Variants in FANCC observed in about 807,000 individuals in gnomAD.
FANCC encodes the protein FA complementation group C.
A neutral mutation model predicts 71.3 loss-of-function variants in FANCC; 55 were observed. The observed-to-expected ratio is 0.77, with a 90% confidence interval of 0.62 to 0.97. FANCC has a LOEUF of 0.97. FANCC is among the 50% of genes least tolerant of loss of function. The probability of loss-of-function intolerance (pLI) is 0.00; values close to 1 mark genes in which losing one functional copy is unlikely to be tolerated. For missense variants in FANCC, 678 were observed against 670.9 expected (o/e 1.01, Z -0.12); for synonymous variants, 275 against 244.9 (o/e 1.12, Z -1.15).
At chr9:95,229,265 T>A (rs1047208233) in intron 4 of FANCC, among the ~76,000 whole-genome samples, 6 of 148,088 alleles carry the variant, frequency 4.1e-5, no homozygotes, top group Non-Finnish European at 7.4e-5. Context: ...ACCACTGCAC[T>A]TCAGCCTGAG....
chr9:95,135,387 A>G lies in FANCC; in HGVS notation c.802T>C (p.Cys268Arg). The change falls in exon 8 of 15, where the codon TGT becomes CGT. Residue 268 changes from cysteine to arginine, a missense_variant. Cys to Arg is a radical substitution (Grantham distance 180). Transcript: ENST00000289081. ...ATAAAGCATTCGATCCTTCTCAGAC[A>G]ATTTCTCTCACTGGAGATTAGCTTT... The part of the protein sequence containing the change: ...FEKLISSERN[C>R]LRRIECFIKD... The G allele has an allele frequency of 6.2e-7, 1 of 1,614,100 alleles. No individual in the cohort carries two copies. Among genetic ancestry groups the G allele is most frequent in the South Asian group, 1.1e-5 (1 of 91,080 alleles).
At chr9:95,136,153 G>A (rs906948408) in intron 7 of FANCC, among the ~76,000 whole-genome samples, 6 of 152,280 alleles carry the variant, frequency 3.9e-5, no homozygotes, top group African/African-American at 1.2e-4. Context: ...CACTTTGAGA[G>A]ACTGAGGTAG....
intron 3 of FANCC, among the ~76,000 whole-genome samples, chr9:95,245,667 C>T (rs1201488059): frequency 2.0e-5 from 3 of 151,764 alleles, no homozygotes; most frequent in South Asian, 2.1e-4. Context: ...GAGGTCGAGG[C>T]GGGTGAATCG....
chr9:95,180,004 T>C (rs1206642811), intron 4 of FANCC, among the ~76,000 whole-genome samples: 1 of 152,266 alleles, frequency 6.6e-6, no homozygotes, highest in Non-Finnish European at 1.5e-5. Flanking sequence ...TGAACAAGGC[T>C]GATTCTATCT....
chr9:95,229,371 T>C (rs904953403), intron 4 of FANCC, among the ~76,000 whole-genome samples: 3 of 150,954 alleles, frequency 2.0e-5, no homozygotes, highest in African/African-American at 7.3e-5. Context: ...GCAATGTTCC[T>C]GGAGAGGGCA....
At chr9:95,193,796 T>C (rs573638481) in intron 4 of FANCC, among the ~76,000 whole-genome samples, 45 of 152,328 alleles carry the variant, frequency 3.0e-4, no homozygotes, top group South Asian at 1.2e-3. Context: ...ACAGGTGTGA[T>C]AGACGGGATT....
chr9:95,249,693 A>T (rs192827489), intron 1 of FANCC, among the ~76,000 whole-genome samples: 2 of 152,206 alleles, frequency 1.3e-5, no homozygotes, highest in African/African-American at 2.4e-5. Flanking sequence ...CTGAATATGA[A>T]GTTGACTTGA....
chr9:95,293,278 G>A (rs1455926324), intron 1 of FANCC: 1 of 1,613,464 alleles, frequency 6.2e-7, no homozygotes, highest in East Asian at 2.2e-5. Flanking sequence ...TTTCTCTCAT[G>A]CCTGTCTTTG....
chr9:95,193,681 G>A (rs777032172), intron 4 of FANCC, among the ~76,000 whole-genome samples: 30 of 152,168 alleles, frequency 2.0e-4, no homozygotes, highest in Admixed American at 1.3e-4. Context: ...AAGTAACTGC[G>A]GTTTTTGCCA....
intron 11 of FANCC, 108 bp from the exon 12 acceptor site, chr9:95,114,818 C>T (rs1340517793): frequency 1.1e-5 from 10 of 910,386 alleles, no homozygotes; most frequent in Non-Finnish European, 1.6e-5. Context: ...CCCTTTACTT[C>T]TGGTTCACGG....
At chr9:95,187,641 T>A (rs1190205123) in intron 4 of FANCC, among the ~76,000 whole-genome samples, 1 of 152,122 alleles carries the variant, frequency 6.6e-6, no homozygotes, top group African/African-American at 2.4e-5. Context: ...CCCTTTCCAC[T>A]GCACTGTAAA....
intron 10 of FANCC, among the ~76,000 whole-genome samples, chr9:95,119,648 G>T (rs1401761339): frequency 6.6e-6 from 1 of 152,080 alleles, no homozygotes; most frequent in East Asian, 1.9e-4. Flanking sequence ...ACAGGCATGA[G>T]CCACCGTGCC....
intron 1 of FANCC, among the ~76,000 whole-genome samples, chr9:95,251,956 TG>T (rs1279650273): frequency 2.0e-5 from 3 of 152,178 alleles, no homozygotes; most frequent in African/African-American, 7.2e-5. Context: ...ATCCAGGGTC[TG>T]GCTCTAAAGT....
At chr9:95,258,666 C>T (rs1233320854) in intron 1 of FANCC, among the ~76,000 whole-genome samples, 1 of 152,164 alleles carries the variant, frequency 6.6e-6, no homozygotes, top group Non-Finnish European at 1.5e-5. Flanking sequence ...TCCTGTTCAA[C>T]ATAGTATCGG....
intron 1 of FANCC, among the ~76,000 whole-genome samples, chr9:95,304,822 C>T (rs1283332988): frequency 6.8e-6 from 1 of 147,868 alleles, no homozygotes; most frequent in Non-Finnish European, 1.5e-5. Context: ...TAGATGCAGT[C>T]TGTTGTGTCC....
intron 7 of FANCC, among the ~76,000 whole-genome samples, chr9:95,140,108 T>C (rs921428308): frequency 2.6e-5 from 4 of 152,076 alleles, no homozygotes; most frequent in Non-Finnish European, 5.9e-5. Flanking sequence ...GGGAGAGTTT[T>C]CTGTATCATA....
At chr9:95,293,968 CAT>C (rs1834221756) in intron 1 of FANCC, 4 of 1,585,342 alleles carry the variant, frequency 2.5e-6, no homozygotes, top group South Asian at 1.1e-5. Flanking sequence ...GATAGTAACT[CAT>C]AGTTTGTTAC....
intron 4 of FANCC, among the ~76,000 whole-genome samples, chr9:95,218,334 A>G (rs1829007281): frequency 6.6e-6 from 1 of 152,158 alleles, no homozygotes; most frequent in Admixed American, 6.5e-5. Flanking sequence ...CTGCAGAGGT[A>G]CATGCCTGTA....
rs148768012 is a variant in FANCC, at chr9:95,116,686, G to A, written c.1072+629C>T. On this transcript the variant is annotated intron_variant, in intron 11 of 14. Transcript: ENST00000289081. The stretch of plus-strand genomic sequence containing the variant: ...AAGGATGCCCTTATTCTCTATTTCC[G>A]AAATGTCTCCTAAGCGTGAGCTCAC... 4.1e-3 allele frequency among the ~76,000 whole-genome samples: 622 copies of A among 152,256 alleles called. 3 individuals carry two copies. The highest frequency in any genetic ancestry group is 0.014 in the African/African-American group (585 of 41,546).
Sources: allele counts gnomAD v4.1 joint callset (sites outside exome capture counted in the v4.1 genomes callset), GRCh38; gene constraint gnomAD v4.1.1; transcripts MANE v1.5; gene names NCBI Gene and HGNC (gene_info 2026-07-23, HGNC 2026-07-21).